SASH1: variants seen among roughly 807,000 people sequenced by gnomAD.
The protein encoded by SASH1 is SAM and SH3 domain-containing protein 1.
Under a neutral mutation model 125.2 loss-of-function variants are expected in SASH1, and 44 were observed. The ratio of observed to expected loss-of-function variants is 0.35; its 90% CI spans 0.28 to 0.45. The LOEUF is 0.45. Ranked by LOEUF, SASH1 falls within the 20% of genes least tolerant of loss-of-function variation. The pLI, the probability that SASH1 is intolerant of heterozygous loss-of-function variation, is 1.00. For synonymous variants in SASH1, 639 were observed against 649.1 expected, an observed-to-expected ratio of 0.98 and a Z score of 0.24; for missense variants, 1,426 against 1,614.5, an observed-to-expected ratio of 0.88 and a Z score of 2.00.
intron 1 of SASH1, among the ~76,000 whole-genome samples, chr6:148,331,520 A>T (rs1178886614): frequency 6.6e-6 from 1 of 151,984 alleles, no homozygotes; most frequent in African/African-American, 2.4e-5. Flanking sequence ...CAGTAGAGAC[A>T]GGGTTTCATC....
intron 1 of SASH1, among the ~76,000 whole-genome samples, chr6:148,346,487 C>CAAAAAA (rs71688552): frequency 1.1e-3 from 154 of 139,414 alleles, no homozygotes; most frequent in African/African-American, 3.8e-3. Flanking sequence ...AACAAGCTTG[C>CAAAAAA]AAAAAAAAAA....
intron 2 of SASH1, among the ~76,000 whole-genome samples, chr6:148,398,051 G>A (rs771435848): frequency 5.3e-5 from 8 of 152,112 alleles, no homozygotes; most frequent in South Asian, 4.2e-4. Context: ...GGTGTGGACC[G>A]TGGGGAGTAA....
At chr6:148,397,399 C>T (rs968680765) in intron 2 of SASH1, among the ~76,000 whole-genome samples, 17 of 152,048 alleles carry the variant, frequency 1.1e-4, no homozygotes, top group Admixed American at 7.2e-4. Flanking sequence ...GCAGGAGAAT[C>T]GCTTGAACAC....
intron 1 of SASH1, among the ~76,000 whole-genome samples, chr6:148,311,145 C>T (rs770681988): frequency 2.0e-5 from 3 of 150,006 alleles, no homozygotes; most frequent in Non-Finnish European, 3.0e-5. Flanking sequence ...GTCACTCTGT[C>T]GCCCGGGCTG....
intron 4 of SASH1, among the ~76,000 whole-genome samples, chr6:148,463,654 G>T (rs532542240): frequency 6.6e-6 from 1 of 152,232 alleles, no homozygotes; most frequent in South Asian, 2.1e-4. Context: ...CTTAGAGTAT[G>T]CAAGTCACTT....
chr6:148,280,217 G>C (rs974453781), intron 1 of SASH1: 4 of 151,822 alleles, frequency 2.6e-5, no homozygotes, highest in African/African-American at 9.7e-5. Flanking sequence ...CACTTCACAT[G>C]CAAGTCCTGC....
intron 3 of SASH1, 61 bp downstream of exon 3, chr6:148,440,295 CTG>C: frequency 1.9e-6 from 3 of 1,607,384 alleles, no homozygotes; most frequent in African/African-American, 2.7e-5. Context: ...AAGTGACACT[CTG>C]TACAAATCAG....
the SASH1 span, among the ~76,000 whole-genome samples, chr6:148,208,806 T>C: frequency 6.6e-6 from 1 of 152,230 alleles, no homozygotes. Flanking sequence ...ACCAAACAAC[T>C]ACTCTTTCAA....
In SASH1 at chr6:148,423,743, A is replaced by G. The variant is rs1353743445; in HGVS notation, c.286-16441A>G. 2.0e-5 allele frequency among the ~76,000 whole-genome samples: 3 copies of G among 152,298 alleles called. No homozygotes were observed. The East Asian group carries it at 5.8e-4, about 29-fold the overall frequency. The stretch of plus-strand genomic sequence containing the variant: ...TTATACTGCCAGTACCCAGCACGTC[A>G]ACTGAGTACAAACTGGTCAGGAAAC... On this transcript the variant is annotated intron_variant, in intron 2 of 19. Transcript: ENST00000367467.
the SASH1 span, among the ~76,000 whole-genome samples, chr6:148,245,212 A>G: frequency 6.6e-6 from 1 of 152,208 alleles, no homozygotes. Context: ...TTCTCGACAC[A>G]AACACGGTTC....
At chr6:148,458,983 T>TACACACAC (rs71004297) in intron 4 of SASH1, among the ~76,000 whole-genome samples, 12 of 137,958 alleles carry the variant, frequency 8.7e-5, no homozygotes, top group African/African-American at 3.0e-4. Flanking sequence ...AAAAAAAGTA[T>TACACACAC]ACACACACAC....
chr6:148,386,324 A>G (rs1221054902), intron 1 of SASH1, among the ~76,000 whole-genome samples: 1 of 152,224 alleles, frequency 6.6e-6, no homozygotes, highest in Non-Finnish European at 1.5e-5. Flanking sequence ...TATATTAATA[A>G]TTACATAAAT....
intron 19 of SASH1, 91 bp from the exon 20 acceptor site, chr6:148,548,204 G>A: frequency 8.7e-7 from 1 of 1,147,880 alleles, no homozygotes; most frequent in Non-Finnish European, 1.2e-6. Context: ...TAGCAATGCA[G>A]TATTTCAGTG....
intron 8 of SASH1, chr6:148,508,913 A>C: frequency 2.6e-6 from 3 of 1,162,928 alleles, no homozygotes; most frequent in Non-Finnish European, 3.4e-6. Context: ...GAAAGAAAGA[A>C]TGTGTTTTCT....
chr6:148,331,133 G>T (rs1040430234), intron 1 of SASH1, among the ~76,000 whole-genome samples: 5 of 152,030 alleles, frequency 3.3e-5, no homozygotes, highest in African/African-American at 9.7e-5. Context: ...CCACTTTTTT[G>T]ATCCTCATGG....
upstream of SASH1, among the ~76,000 whole-genome samples, chr6:148,270,612 T>C (rs919882824): frequency 6.6e-6 from 1 of 152,160 alleles, no homozygotes; most frequent in Non-Finnish European, 1.5e-5. Flanking sequence ...ATTGTAGATA[T>C]ATACTCCAAA....
chr6:148,520,061 C>T (rs894159913), intron 10 of SASH1, 168 bp downstream of exon 10: 21 of 600,166 alleles, frequency 3.5e-5, no homozygotes, highest in Non-Finnish European at 5.0e-5. Context: ...CCAGAAAAGG[C>T]GTCACCAGCA....
intron 5 of SASH1, among the ~76,000 whole-genome samples, chr6:148,470,705 G>A (rs1400959987): frequency 6.6e-6 from 1 of 152,194 alleles, no homozygotes; most frequent in Non-Finnish European, 1.5e-5. Context: ...GGTGCGGTGG[G>A]TAGAGGGAGA....
chr6:148,548,685 A>G lies in SASH1; in HGVS notation c.*127A>G. 1.8e-6 allele frequency: 2 copies of G among 1,127,692 alleles called. No individual in the cohort carries two copies. Among genetic ancestry groups the G allele is most frequent in the Non-Finnish European group, 2.5e-6 (2 of 806,254 alleles). The allele number at this position is 1,127,692 out of a possible 1,614,324, so 69.9% of individuals were successfully genotyped here. The stretch of plus-strand genomic sequence containing the variant: ...AGAAGAAAGGCCTGGCGTGTGGCCA[A>G]ACAGCGTGAAACCTTGGCACAGGAC... On this transcript the variant is annotated 3_prime_UTR_variant, in exon 20 of 20. Coordinates refer to ENST00000367467, the MANE Select transcript of SASH1 (RefSeq NM_015278.5).
Sources: allele counts gnomAD v4.1 joint callset (sites outside exome capture counted in the v4.1 genomes callset), GRCh38; gene constraint gnomAD v4.1.1; transcripts MANE v1.5; gene names NCBI Gene and HGNC (gene_info 2026-07-23, HGNC 2026-07-21).